BRINP3: variants seen among roughly 807,000 people sequenced by gnomAD.
BRINP3 encodes the protein BMP/retinoic acid inducible neural specific 3, also known as BMP/retinoic acid-inducible neural-specific protein 3.
In BRINP3, 19 loss-of-function variants were observed where a neutral mutation model predicts 71.0. That is an observed-to-expected ratio of 0.27 (90% confidence interval 0.19 to 0.39). BRINP3 has a LOEUF of 0.39. Among genes scored for constraint, BRINP3 ranks in the 10% least tolerant of loss-of-function variants. The pLI is 1.00. For synonymous variants in BRINP3, 380 were observed against 337.7 expected (o/e 1.13, Z -1.37); for missense variants, 959 against 940.8 (o/e 1.02, Z -0.25).
intron 1 of BRINP3, among the ~76,000 whole-genome samples, chr1:190,476,452 A>G (rs1677510094): frequency 6.6e-6 from 1 of 152,078 alleles, no homozygotes; most frequent in Non-Finnish European, 1.5e-5. Context: ...TGCTTTCCTC[A>G]TTATGTGTCA....
At position 190,281,854 on chromosome 1, in the gene BRINP3, T is replaced by C. The variant is rs183909000; in HGVS notation, c.237-104A>G. On this transcript the variant is annotated intron_variant, in intron 2 of 7. Coordinates refer to ENST00000367462, the MANE Select transcript of BRINP3 (RefSeq NM_199051.3). ...GTCAGTACATTACAATGTCTCTTGC[T>C]TGTAATACTAGGTTGTGTGCTATGA... 3 of 1,017,272 alleles carry C rather than the reference T, an allele frequency of 2.9e-6. No individual in the cohort carries two copies. The East Asian group carries it at 7.9e-5, about 27-fold the overall frequency. The allele number at this position is 1,017,272 out of a possible 1,614,324, so 63.0% of individuals were successfully genotyped here. A position where few individuals can be genotyped will look rare whatever the true frequency, so the allele number is the denominator to read the frequency against.
chr1:190,445,306 A>C (rs1417082304), intron 2 of BRINP3, among the ~76,000 whole-genome samples: 1 of 152,210 alleles, frequency 6.6e-6, no homozygotes, highest in East Asian at 1.9e-4. Context: ...TGAGGGTCTA[A>C]TCTTTTACTT....
chr1:190,186,767 C>T (rs1653563259), intron 6 of BRINP3, among the ~76,000 whole-genome samples: 1 of 151,996 alleles, frequency 6.6e-6, no homozygotes, highest in African/African-American at 2.4e-5. Context: ...AATATAACTT[C>T]TCCAAATTCA....
intron 7 of BRINP3, among the ~76,000 whole-genome samples, chr1:190,150,248 G>A (rs1656267368): frequency 6.9e-6 from 1 of 144,764 alleles, no homozygotes; most frequent in Non-Finnish European, 1.5e-5. Context: ...TAATGAGTTG[G>A]TATATATGTG....
intron 2 of BRINP3, among the ~76,000 whole-genome samples, chr1:190,363,734 G>A (rs561693670): frequency 3.3e-5 from 5 of 152,238 alleles, no homozygotes; most frequent in Admixed American, 1.3e-4. Flanking sequence ...TAGAGTAATC[G>A]TAGTAGGAAT....
At chr1:190,214,788 T>C (rs1483958879) in intron 6 of BRINP3, among the ~76,000 whole-genome samples, 1 of 151,986 alleles carries the variant, frequency 6.6e-6, no homozygotes, top group Non-Finnish European at 1.5e-5. Context: ...ACTCACGCTG[T>C]AACTCAAGGA....
chr1:190,290,896 T>C (rs1571647857), intron 2 of BRINP3, among the ~76,000 whole-genome samples: 2 of 151,384 alleles, frequency 1.3e-5, no homozygotes, highest in East Asian at 1.9e-4. Context: ...TGAGTGTTTG[T>C]GTGTGTGTGT....
chr1:190,194,290 G>C (rs1214608040), intron 6 of BRINP3, among the ~76,000 whole-genome samples: 2 of 152,098 alleles, frequency 1.3e-5, no homozygotes, highest in African/African-American at 4.8e-5. Context: ...GTAGAACAAA[G>C]TGACAGTGCT....
At chr1:190,405,240 A>G (rs1228499060) in intron 2 of BRINP3, among the ~76,000 whole-genome samples, 1 of 151,984 alleles carries the variant, frequency 6.6e-6, no homozygotes, top group African/African-American at 2.4e-5. Flanking sequence ...TCACGAGGTC[A>G]GCAGATCGAG....
intron 2 of BRINP3, among the ~76,000 whole-genome samples, chr1:190,360,966 C>T (rs1222309127): frequency 2.0e-5 from 3 of 151,946 alleles, no homozygotes; most frequent in East Asian, 1.9e-4. Flanking sequence ...GAAAGTGTCA[C>T]CAAACACTTG....
At chr1:190,440,143 A>G (rs1209735356) in intron 2 of BRINP3, among the ~76,000 whole-genome samples, 1 of 152,000 alleles carries the variant, frequency 6.6e-6, no homozygotes, top group Non-Finnish European at 1.5e-5. Context: ...AAATCCATTC[A>G]TATGATTTGC....
intron 7 of BRINP3, among the ~76,000 whole-genome samples, chr1:190,138,358 C>A (rs1655149655): frequency 6.6e-6 from 1 of 152,080 alleles, no homozygotes. Flanking sequence ...ACATGAGTTA[C>A]ACATGATTTG....
intron 4 of BRINP3, among the ~76,000 whole-genome samples, chr1:190,242,466 C>T (rs1327778423): frequency 6.6e-6 from 1 of 152,062 alleles, no homozygotes; most frequent in Non-Finnish European, 1.5e-5. Context: ...GGATGACTCA[C>T]ATCTTCACAT....
chr1:190,401,184 C>A (rs1010936700), intron 2 of BRINP3, among the ~76,000 whole-genome samples: 1 of 151,730 alleles, frequency 6.6e-6, no homozygotes, highest in African/African-American at 2.4e-5. Flanking sequence ...ATTGTGAAAC[C>A]CCGTATTTAC....
At position 190,098,871 on chromosome 1, in the gene BRINP3, T is replaced by C. The variant is rs1651434054; in HGVS notation, c.1448A>G (p.Asp483Gly). The C allele has an allele frequency of 6.2e-7, 1 of 1,614,030 alleles. No individual in the cohort carries two copies. The highest frequency in any genetic ancestry group is 8.5e-7 in the Non-Finnish European group (1 of 1,180,044). Reference sequence around the variant, plus strand: ...GTCAGTTTCAAAGCCAATATAGTGATCGGTGGACTCGGCGACTTCAGGCTT... The same window carrying C: ...GTCAGTTTCAAAGCCAATATAGTGACCGGTGGACTCGGCGACTTCAGGCTT... ...LCKPEVAEST[D>G]HYIGFETDLQ... is the part of the protein sequence containing the mutation. Residue 483 changes from aspartate to glycine, a missense_variant, in exon 8 of 8, where the codon GAT becomes GGT. Physicochemically the swap from Asp to Gly is moderately conservative, Grantham distance 94. Coordinates refer to ENST00000367462, the MANE Select transcript of BRINP3 (RefSeq NM_199051.3).
chr1:190,447,772 CTA>C (rs1314288719), intron 2 of BRINP3, among the ~76,000 whole-genome samples: 4 of 151,310 alleles, frequency 2.6e-5, no homozygotes, highest in Non-Finnish European at 5.9e-5. Context: ...TATTTTAACT[CTA>C]TTTTTAACTT....
chr1:190,390,442 A>T (rs906337063), intron 2 of BRINP3, among the ~76,000 whole-genome samples: 1 of 151,836 alleles, frequency 6.6e-6, no homozygotes, highest in Admixed American at 6.6e-5. Flanking sequence ...AGAAGTCAAC[A>T]CAATGAGAGG....
At chr1:190,210,732 C>A (rs1655911576) in intron 6 of BRINP3, among the ~76,000 whole-genome samples, 1 of 151,956 alleles carries the variant, frequency 6.6e-6, no homozygotes, top group Non-Finnish European at 1.5e-5. Flanking sequence ...ACTTGATTGG[C>A]AAAGTATTGT....
chr1:190,322,309 G>T (rs1666298076), intron 2 of BRINP3, among the ~76,000 whole-genome samples: 1 of 152,104 alleles, frequency 6.6e-6, no homozygotes, highest in East Asian at 1.9e-4. Context: ...CCAGTTCTTT[G>T]TCTTTAAATA....
Sources: allele counts gnomAD v4.1 joint callset (sites outside exome capture counted in the v4.1 genomes callset), GRCh38; gene constraint gnomAD v4.1.1; transcripts MANE v1.5; gene names NCBI Gene and HGNC (gene_info 2026-07-23, HGNC 2026-07-21).